CNTN1: variants seen among roughly 807,000 people sequenced by gnomAD.
The protein encoded by CNTN1 is contactin 1.
Under a neutral mutation model 126.4 loss-of-function variants are expected in CNTN1, and 38 were observed. The ratio of observed to expected loss-of-function variants is 0.30; its 90% CI spans 0.23 to 0.39. The LOEUF (loss-of-function observed/expected upper bound fraction) is 0.39. Ranked by LOEUF, CNTN1 falls within the 10% of genes least tolerant of loss-of-function variation. The pLI, the probability that CNTN1 is intolerant of heterozygous loss-of-function variation, is 1.00. For missense variants in CNTN1, 1,009 were observed against 1,248.4 expected, an observed-to-expected ratio of 0.81 and a Z score of 2.89; for synonymous variants, 413 against 422.6, an observed-to-expected ratio of 0.98 and a Z score of 0.28.
intron 1 of CNTN1, among the ~76,000 whole-genome samples, chr12:40,722,026 C>T (rs986914388): frequency 1.3e-5 from 2 of 151,884 alleles, no homozygotes; most frequent in African/African-American, 4.8e-5. Context: ...GTGCATGTGT[C>T]TTTATAGCAG....
chr12:40,952,552 C>T (rs141756727), intron 14 of CNTN1, among the ~76,000 whole-genome samples: 37 of 151,950 alleles, frequency 2.4e-4, no homozygotes, highest in East Asian at 5.8e-4. Context: ...GTATTAATAG[C>T]GACACTAGTA....
chr12:40,791,222 T>C, intron 1 of CNTN1, among the ~76,000 whole-genome samples: 1 of 152,166 alleles, frequency 6.6e-6, no homozygotes, highest in Non-Finnish European at 1.5e-5. Context: ...GAGACTCACT[T>C]TTAACATGGC....
chr12:40,962,333 G>C (rs1182628181), intron 15 of CNTN1, among the ~76,000 whole-genome samples: 2 of 152,000 alleles, frequency 1.3e-5, no homozygotes, highest in Non-Finnish European at 2.9e-5. Context: ...CATGATGAAA[G>C]CAATTTCTAT....
intron 1 of CNTN1, among the ~76,000 whole-genome samples, chr12:40,725,620 G>C (rs1273673360): frequency 6.6e-6 from 1 of 151,976 alleles, no homozygotes; most frequent in Non-Finnish European, 1.5e-5. Flanking sequence ...CTATCTCTTA[G>C]TTTCTATAGG....
intron 23 of CNTN1, among the ~76,000 whole-genome samples, chr12:41,035,815 C>T (rs1421561165): frequency 1.3e-5 from 2 of 152,052 alleles, no homozygotes; most frequent in African/African-American, 4.8e-5. Context: ...GATACAGAGT[C>T]ATATGGGATG....
At chr12:40,791,711 A>C (rs1596526) in intron 1 of CNTN1, among the ~76,000 whole-genome samples, 65,533 of 151,978 alleles carry the variant, frequency 0.43, 14,160 homozygotes, top group Admixed American at 0.49. Context: ...AAACTACAAG[A>C]TAACGTAGAT....
chr12:40,695,926 A>C (rs1265930628), intron 1 of CNTN1, among the ~76,000 whole-genome samples: 1 of 152,068 alleles, frequency 6.6e-6, no homozygotes, highest in East Asian at 1.9e-4. Flanking sequence ...TTTCCTTTAC[A>C]CTTACCCTAT....
At chr12:41,025,479 A>T in intron 21 of CNTN1, 143 bp downstream of exon 21, 1 of 777,684 alleles carries the variant, frequency 1.3e-6, no homozygotes, top group South Asian at 1.5e-5. Flanking sequence ...GATTTCCCTT[A>T]AAACGTGAAT....
chr12:40,908,289 C>T (rs1944906314), intron 1 of CNTN1, 68 bp from the exon 2 acceptor site: 1 of 606,164 alleles, frequency 1.6e-6, no homozygotes, highest in South Asian at 2.1e-5. Context: ...TCCTCTCCTC[C>T]TCTCCCCTTC....
intron 20 of CNTN1, among the ~76,000 whole-genome samples, chr12:41,022,446 A>G (rs903299210): frequency 6.6e-6 from 1 of 152,204 alleles, no homozygotes; most frequent in African/African-American, 2.4e-5. Context: ...AATTTTGTAG[A>G]AAATTGATTT....
chr12:40,704,364 T>TA (rs1941680054), intron 1 of CNTN1, among the ~76,000 whole-genome samples: 1 of 152,190 alleles, frequency 6.6e-6, no homozygotes, highest in African/African-American at 2.4e-5. Flanking sequence ...AATTATCTTT[T>TA]AATAAGATCT....
intron 23 of CNTN1, among the ~76,000 whole-genome samples, chr12:41,067,481 G>T (rs1361015331): frequency 6.6e-6 from 1 of 151,966 alleles, no homozygotes; most frequent in Non-Finnish European, 1.5e-5. Flanking sequence ...GACAAAAAAG[G>T]CTTCAGAATG....
rs1277399973 is a variant in CNTN1 at position 40,944,134 on chromosome 12, T to C, written c.1647T>C (p.Phe549=). Residue 549 remains phenylalanine (F), a synonymous_variant, in exon 14 of 24, where the codon TTT becomes TTC. Transcript: ENST00000551295. ...CCTTCAATGGCTATGTGATCGATTT[T>C]AACAAAGAGAATATTCACTACCAGA... ...VWSFNGYVID[F]NKENIHYQRN... 1.2e-6 allele frequency: 2 copies of C among 1,613,304 alleles called. No homozygotes were observed. Among genetic ancestry groups the C allele is most frequent in the Non-Finnish European group, 1.7e-6 (2 of 1,179,566 alleles).
intron 1 of CNTN1, among the ~76,000 whole-genome samples, chr12:40,831,568 T>C (rs1379881818): frequency 6.6e-6 from 1 of 152,162 alleles, no homozygotes; most frequent in Non-Finnish European, 1.5e-5. Context: ...GTAATTAACA[T>C]ATGAAACATC....
At chr12:41,033,194 C>T (rs1566182808) in intron 23 of CNTN1, among the ~76,000 whole-genome samples, 1 of 152,118 alleles carries the variant, frequency 6.6e-6, no homozygotes, top group Non-Finnish European at 1.5e-5. Flanking sequence ...ATAACTTATT[C>T]CTTATTGAAT....
At chr12:40,914,686 G>A (rs1029730826) in intron 3 of CNTN1, among the ~76,000 whole-genome samples, 2 of 152,044 alleles carry the variant, frequency 1.3e-5, no homozygotes, top group Admixed American at 1.3e-4. Context: ...GTATTTTCTT[G>A]GAGATTCGCT....
intron 1 of CNTN1, among the ~76,000 whole-genome samples, chr12:40,841,638 A>G (rs1399782991): frequency 1.3e-5 from 2 of 152,028 alleles, no homozygotes; most frequent in Non-Finnish European, 2.9e-5. Flanking sequence ...CAATTCTATA[A>G]AGGTGATACA....
intron 1 of CNTN1, among the ~76,000 whole-genome samples, chr12:40,746,262 C>T (rs1938177375): frequency 6.6e-6 from 1 of 152,078 alleles, no homozygotes; most frequent in Non-Finnish European, 1.5e-5. Context: ...AAATCTGCTT[C>T]AAATAATCTT....
chr12:40,830,951 A>G (rs1941806429), intron 1 of CNTN1, among the ~76,000 whole-genome samples: 1 of 126,036 alleles, frequency 7.9e-6, no homozygotes, highest in African/African-American at 2.8e-5. Flanking sequence ...ATATATATAT[A>G]TATATATATA....
Sources: allele counts gnomAD v4.1 joint callset (sites outside exome capture counted in the v4.1 genomes callset), GRCh38; gene constraint gnomAD v4.1.1; transcripts MANE v1.5; gene names NCBI Gene and HGNC (gene_info 2026-07-23, HGNC 2026-07-21).